The following FRMD5 variants were observed in gnomAD, a reference collection of about 807,000 sequenced individuals.
FRMD5 encodes the protein FERM domain-containing protein 5.
In FRMD5, 20 loss-of-function variants were observed where a neutral mutation model predicts 69.0. The ratio of observed to expected loss-of-function variants is 0.29; its 90% CI spans 0.20 to 0.42. The LOEUF is 0.42. Among genes scored for constraint, FRMD5 ranks in the 10% least tolerant of loss-of-function variants. FRMD5 has a pLI of 1.00. For missense variants in FRMD5, 595 were observed against 708.6 expected (o/e 0.84, Z 1.82); for synonymous variants, 271 against 260.1 (o/e 1.04, Z -0.40).
At chr15:43,966,296 C>T (rs778609432) in intron 1 of FRMD5, among the ~76,000 whole-genome samples, 3 of 151,980 alleles carry the variant, frequency 2.0e-5, no homozygotes, top group Non-Finnish European at 4.4e-5. Flanking sequence ...CACTTGAACC[C>T]AGGAGGCGAA....
intron 1 of FRMD5, among the ~76,000 whole-genome samples, chr15:44,106,195 T>C (rs2035047113): frequency 6.6e-6 from 1 of 152,212 alleles, no homozygotes; most frequent in African/African-American, 2.4e-5. Flanking sequence ...CAAATGGGTC[T>C]GATACCCAAT....
intron 1 of FRMD5, among the ~76,000 whole-genome samples, chr15:44,081,216 C>G (rs1186852507): frequency 6.6e-6 from 1 of 152,104 alleles, no homozygotes; most frequent in African/African-American, 2.4e-5. Flanking sequence ...CACTCCATAG[C>G]CCTTCCCTTG....
chr15:43,899,218 A>G (rs965856436), intron 7 of FRMD5, among the ~76,000 whole-genome samples: 3 of 152,238 alleles, frequency 2.0e-5, no homozygotes, highest in African/African-American at 7.2e-5. Context: ...ACTCCACTTA[A>G]TAACAAGAGT....
At chr15:44,111,052 G>C (rs2076788609) in intron 1 of FRMD5, among the ~76,000 whole-genome samples, 1 of 152,144 alleles carries the variant, frequency 6.6e-6, no homozygotes, top group African/African-American at 2.4e-5. Flanking sequence ...TAATTAAAAT[G>C]CCTTTTCCAG....
intron 1 of FRMD5, among the ~76,000 whole-genome samples, chr15:43,948,410 T>C (rs2089979421): frequency 6.6e-6 from 1 of 152,208 alleles, no homozygotes; most frequent in Non-Finnish European, 1.5e-5. Flanking sequence ...AAAACCTACC[T>C]GAAACCATCC....
chr15:43,920,739 G>A (rs568270388), intron 2 of FRMD5, among the ~76,000 whole-genome samples: 1 of 152,346 alleles, frequency 6.6e-6, no homozygotes, highest in Non-Finnish European at 1.5e-5. Context: ...GTTTACCACT[G>A]TATCACCAGT....
At chr15:43,951,143 A>G (rs998923343) in intron 1 of FRMD5, among the ~76,000 whole-genome samples, 1 of 152,134 alleles carries the variant, frequency 6.6e-6, no homozygotes, top group Non-Finnish European at 1.5e-5. Context: ...AAATAGTGCC[A>G]GGCGTGGTGG....
rs931105416 is a variant in FRMD5, at chr15:43,871,191, C to A, written c.*2694G>T. On this transcript the variant is annotated 3_prime_UTR_variant, in exon 14 of 14. Transcript: ENST00000417257. ...AATCAAAGGAGGTTTATTATTCAAG[C>A]ACTATTTGAAAAGCAAACTGAAGGA... 1 of 152,130 alleles carries A rather than the reference C, an allele frequency of 6.6e-6. No individual in the cohort carries two copies. The highest frequency in any genetic ancestry group is 1.5e-5 in the Non-Finnish European group (1 of 68,030). 9.4% of individuals were successfully genotyped at this position (152,130 alleles called of 1,614,324 possible). A position where few individuals can be genotyped will look rare whatever the true frequency, so the allele number is the denominator to read the frequency against.
chr15:44,144,161 C>T (rs1228567205), intron 1 of FRMD5, among the ~76,000 whole-genome samples: 2 of 151,992 alleles, frequency 1.3e-5, no homozygotes, highest in Admixed American at 1.3e-4. Flanking sequence ...ATAGGATTTC[C>T]TTCTCGTCTT....
rs146895535 is a variant in FRMD5, at chr15:44,155,602, C to T, written c.102+39351G>A. The stretch of plus-strand genomic sequence containing the variant: ...TAATTCCTCCCCAAATATATATATA[C>T]ATTTTTTGCGAGACAAAGTCTCGCT... On this transcript the variant is annotated intron_variant, in intron 1 of 13. Transcript: ENST00000417257. Among the ~76,000 whole-genome samples the T allele has an allele frequency of 1.1e-4, 17 of 151,648 alleles. No individual in the cohort carries two copies. The South Asian group carries it at 2.3e-3, about 21-fold the overall frequency.
At chr15:44,008,762 C>T (rs1566895500) in intron 1 of FRMD5, among the ~76,000 whole-genome samples, 1 of 152,110 alleles carries the variant, frequency 6.6e-6, no homozygotes, top group South Asian at 2.1e-4. Context: ...CGCAGTGGCT[C>T]ACACCTGTAA....
intron 1 of FRMD5, among the ~76,000 whole-genome samples, chr15:44,187,022 AG>A (rs1163454506): frequency 6.6e-6 from 1 of 152,194 alleles, no homozygotes. Context: ...TGTGCCTTTT[AG>A]GACTCCATGG....
At chr15:43,944,601 T>G (rs1187441787) in intron 1 of FRMD5, among the ~76,000 whole-genome samples, 1 of 152,086 alleles carries the variant, frequency 6.6e-6, no homozygotes, top group African/African-American at 2.4e-5. Flanking sequence ...AGCTAATTTT[T>G]TTTTTCGAGA....
At chr15:44,160,305 G>A (rs997197555) in intron 1 of FRMD5, among the ~76,000 whole-genome samples, 2 of 152,196 alleles carry the variant, frequency 1.3e-5, no homozygotes, top group Non-Finnish European at 2.9e-5. Context: ...GCAGTGAGCC[G>A]AGATGGCGCC....
intron 1 of FRMD5, among the ~76,000 whole-genome samples, chr15:44,078,558 G>A (rs920976378): frequency 6.6e-6 from 1 of 152,012 alleles, no homozygotes; most frequent in Non-Finnish European, 1.5e-5. Context: ...AAACAGTGTG[G>A]TACTGTACTG....
At chr15:43,876,357 C>G in intron 13 of FRMD5, 2 of 818,094 alleles carry the variant, frequency 2.4e-6, no homozygotes, top group Non-Finnish European at 4.2e-6. Context: ...GTTTGAGTCT[C>G]AAGTCTGCCT....
intron 1 of FRMD5, among the ~76,000 whole-genome samples, chr15:44,174,493 A>G (rs1325287038): frequency 6.6e-6 from 1 of 152,196 alleles, no homozygotes; most frequent in Admixed American, 6.5e-5. Context: ...CCCACATTAC[A>G]CAGAAACCAA....
chr15:43,972,229 C>G (rs375732449), intron 1 of FRMD5, among the ~76,000 whole-genome samples: 11 of 151,904 alleles, frequency 7.2e-5, no homozygotes, highest in Admixed American at 1.3e-4. Context: ...CCAACCAACT[C>G]CATCTCTCTC....
At chr15:43,986,200 T>A (rs1889385456) in intron 1 of FRMD5, among the ~76,000 whole-genome samples, 1 of 152,242 alleles carries the variant, frequency 6.6e-6, no homozygotes, top group Admixed American at 6.5e-5. Context: ...GACTAGTCAC[T>A]GTGCATCTGT....
Sources: allele counts gnomAD v4.1 joint callset (sites outside exome capture counted in the v4.1 genomes callset), GRCh38; gene constraint gnomAD v4.1.1; transcripts MANE v1.5; gene names NCBI Gene and HGNC (gene_info 2026-07-23, HGNC 2026-07-21).